The following CSGALNACT2 variants were observed in gnomAD, a reference collection of about 807,000 sequenced individuals.
The protein encoded by CSGALNACT2 is chondroitin sulfate N-acetylgalactosaminyltransferase 2.
A neutral mutation model predicts 55.3 loss-of-function variants in CSGALNACT2; 35 were observed. That is an observed-to-expected ratio of 0.63 (90% CI 0.48 to 0.84). The LOEUF (loss-of-function observed/expected upper bound fraction) is 0.84. CSGALNACT2 is among the 40% of genes least tolerant of loss of function. The pLI, the probability that CSGALNACT2 is intolerant of heterozygous loss-of-function variation, is 0.00. For synonymous variants in CSGALNACT2, 196 were observed against 224.9 expected (o/e 0.87, Z 1.15); for missense variants, 544 against 657.5 (o/e 0.83, Z 1.89).
intron 5 of CSGALNACT2, among the ~76,000 whole-genome samples, chr10:43,165,190 A>T (rs149621407): frequency 0.017 from 2,522 of 152,282 alleles, 80 homozygotes; most frequent in African/African-American, 0.058. Flanking sequence ...GCGCCACTGC[A>T]CTGCAGCCTG....
chr10:43,182,318 A>G (rs191336589), intron 7 of CSGALNACT2, among the ~76,000 whole-genome samples: 107 of 152,254 alleles, frequency 7.0e-4, no homozygotes, highest in Middle Eastern at 3.4e-3. Flanking sequence ...CACCTTTTCC[A>G]GAATTTTCTC....
At chr10:43,163,772 G>A in intron 4 of CSGALNACT2, 94 bp from the exon 5 acceptor site, 1 of 1,407,516 alleles carries the variant, frequency 7.1e-7, no homozygotes, top group Non-Finnish European at 9.3e-7. Flanking sequence ...TCAAATATTT[G>A]AAGTGTAAAA....
chr10:43,158,719 T>C lies in CSGALNACT2; in HGVS notation c.666T>C (p.Tyr222=). 1 of 1,581,132 alleles carries C rather than the reference T, an allele frequency of 6.3e-7. No homozygotes were observed. Among genetic ancestry groups the C allele is most frequent in the Non-Finnish European group, 8.7e-7 (1 of 1,150,730 alleles). Residue 222 remains tyrosine, a synonymous_variant, in exon 3 of 8, where the codon TAT becomes TAC. Transcript: ENST00000374466. ...GTTCCTAACTCTTTCCTTTAGGTTA[T>C]TATCGCACTGAGAGAGATAAGGGCA... ...IFNENDFVEG[Y]YRTERDKGTQ...
intron 2 of CSGALNACT2, among the ~76,000 whole-genome samples, chr10:43,156,995 C>T (rs1267638855): frequency 6.6e-6 from 1 of 152,194 alleles, no homozygotes; most frequent in Non-Finnish European, 1.5e-5. Flanking sequence ...TACACTGAGG[C>T]CCTTGGAGGC....
intron 2 of CSGALNACT2, 92 bp from the exon 3 acceptor site, chr10:43,158,623 A>T: frequency 1.4e-6 from 1 of 730,872 alleles, no homozygotes; most frequent in Non-Finnish European, 2.4e-6. Flanking sequence ...CTAGTTTAAT[A>T]CCCTTTATGT....
intron 1 of CSGALNACT2, among the ~76,000 whole-genome samples, chr10:43,150,037 A>G (rs1838843150): frequency 6.6e-6 from 1 of 152,216 alleles, no homozygotes. Context: ...ATTGCACTCC[A>G]GCCTGGGCAA....
At chr10:43,175,049 T>C (rs1296317833) in intron 6 of CSGALNACT2, among the ~76,000 whole-genome samples, 1 of 152,202 alleles carries the variant, frequency 6.6e-6, no homozygotes, top group Non-Finnish European at 1.5e-5. Context: ...TCTCGCATGG[T>C]AGAAAAGGAC....
chr10:43,155,348 C>T lies in CSGALNACT2; in HGVS notation c.199C>T (p.His67Tyr). ...YQALLQEQEE[H>Y]YQTRATSLKR... is the part of the protein sequence containing the mutation. ...AGCCCTCCTACAGGAACAAGAAGAA[C>T]ATTATCAGACCAGGGCAACCAGTCT... The change falls in exon 2 of 8, where the codon CAT becomes TAT. Residue 67 changes from histidine (H) to tyrosine (Y), a missense_variant. Transcript: ENST00000374466. The T allele has an allele frequency of 6.2e-7, 1 of 1,614,130 alleles. No homozygotes were observed. The highest frequency in any genetic ancestry group is 1.1e-5 in the South Asian group (1 of 91,078).
At chr10:43,167,429 T>C (rs761445340) in intron 6 of CSGALNACT2, among the ~76,000 whole-genome samples, 17 of 150,808 alleles carry the variant, frequency 1.1e-4, no homozygotes, top group Non-Finnish European at 1.6e-4. Flanking sequence ...AAAACCCTAC[T>C]AACTAGAAAT....
intron 1 of CSGALNACT2, among the ~76,000 whole-genome samples, chr10:43,147,714 T>A (rs1838788253): frequency 6.6e-6 from 1 of 152,228 alleles, no homozygotes; most frequent in South Asian, 2.1e-4. Flanking sequence ...TTTTCATGTA[T>A]TTATATAGGC....
intron 1 of CSGALNACT2, among the ~76,000 whole-genome samples, chr10:43,145,497 T>A (rs1240984754): frequency 1.4e-5 from 2 of 146,424 alleles, no homozygotes; most frequent in Non-Finnish European, 3.0e-5. Context: ...ACTCCTGGGC[T>A]CAAGTGATCC....
chr10:43,160,529 T>G lies in CSGALNACT2; in HGVS notation c.914T>G (p.Leu305Arg), dbSNP rs1393410445. The G allele has an allele frequency of 1.3e-6, 2 of 1,589,542 alleles. No individual in the cohort carries two copies. The highest frequency in any genetic ancestry group is 1.7e-6 in the Non-Finnish European group (2 of 1,159,056). ...VCIHQDKKIH[L>R]TVVYFGKEGL... ...ATTCATCAAGACAAGAAGATTCATC[T>G]CACAGTGGTGTATTTTGGTAAAGAA... The change falls in exon 4 of 8, where the codon CTC becomes CGC. Residue 305 changes from leucine (L) to arginine (R), a missense_variant. By Grantham distance (102) the Leu-to-Arg change is moderately radical (BLOSUM62 -2). Around this residue, in one of 2 missense-constraint regions of CSGALNACT2, gnomAD observed 374 missense variants for 401.3 expected, o/e 0.93. Coordinates refer to ENST00000374466, the MANE Select transcript of CSGALNACT2 (RefSeq NM_018590.5).
At chr10:43,179,389 G>GT (rs375329884) in intron 7 of CSGALNACT2, among the ~76,000 whole-genome samples, 137 of 144,032 alleles carry the variant, frequency 9.5e-4, no homozygotes, top group African/African-American at 2.3e-3. Flanking sequence ...CCACGGCTTG[G>GT]TTTTTTTTTT....
Position 43,178,423 on chromosome 10 carries a change from T to C in CSGALNACT2, c.1336+2391T>C, listed in dbSNP as rs1022749786. ...AGATCACGAGGTCAGGAGATCAAGA[T>C]CATCCTGGCTAACAAGGTAAAACCC... is the stretch of plus-strand genomic sequence containing the variant. On this transcript the variant is annotated intron_variant, in intron 7 of 7. Coordinates refer to ENST00000374466, the MANE Select transcript of CSGALNACT2 (RefSeq NM_018590.5). Among the ~76,000 whole-genome samples the C allele has an allele frequency of 8.5e-5, 13 of 152,148 alleles. No individual in the cohort carries two copies. The East Asian group carries it at 1.7e-3, about 20-fold the overall frequency.
rs189631298 is a variant in CSGALNACT2, at chr10:43,160,483, A to G, written c.879-11A>G. 7.3e-7 allele frequency: 1 copy of G among 1,374,742 alleles called. No homozygotes were observed. The highest frequency in any genetic ancestry group is 1.0e-6 in the Non-Finnish European group (1 of 979,524). 85.2% of individuals were successfully genotyped at this position (1,374,742 alleles called of 1,614,324 possible). ...TTTCTTGAATAAACTTTTATTTTTC[A>G]CTTCTGTTAGGGATGTTTGTATTCA... On this transcript the variant is annotated splice_polypyrimidine_tract_variant and intron_variant, in intron 3 of 7. Transcript: ENST00000374466.
intron 7 of CSGALNACT2, among the ~76,000 whole-genome samples, chr10:43,178,342 G>T (rs530755820): frequency 4.7e-4 from 71 of 152,204 alleles, no homozygotes; most frequent in African/African-American, 1.6e-3. Context: ...CCTAATACAG[G>T]CCAGGCACGG....
rs1051937809 is a variant in CSGALNACT2, at chr10:43,138,467, C to T, written c.-354C>T. 1 of 151,020 alleles carries T rather than the reference C, an allele frequency of 6.6e-6. No individual in the cohort carries two copies. The highest frequency in any genetic ancestry group is 1.5e-5 in the Non-Finnish European group (1 of 67,686). The allele number at this position is 151,020 out of a possible 1,614,324, so 9.4% of individuals were successfully genotyped here. A position where few individuals can be genotyped will look rare whatever the true frequency, so the allele number is the denominator to read the frequency against. ...GGCCTCTCAGGCGCGGCGGCGCGCCCGGGGGTGGGTGGCTGAGGCGGCGGC... is the reference window on the plus strand; with the variant it reads ...GGCCTCTCAGGCGCGGCGGCGCGCCTGGGGGTGGGTGGCTGAGGCGGCGGC... On this transcript the variant is annotated 5_prime_UTR_variant, in exon 1 of 8. Transcript: ENST00000374466.
At chr10:43,175,621 T>A (rs944691058) in intron 6 of CSGALNACT2, among the ~76,000 whole-genome samples, 1 of 152,150 alleles carries the variant, frequency 6.6e-6, no homozygotes, top group Middle Eastern at 3.2e-3. Flanking sequence ...GGGGAATGGA[T>A]ACTGGGTAGG....
chr10:43,182,715 C>CAA (rs773763712), intron 7 of CSGALNACT2, among the ~76,000 whole-genome samples: 14 of 128,072 alleles, frequency 1.1e-4, no homozygotes, highest in Admixed American at 1.6e-4. Flanking sequence ...CCATCTCCAC[C>CAA]AAAAAAAAAA....
Sources: allele counts gnomAD v4.1 joint callset (sites outside exome capture counted in the v4.1 genomes callset), GRCh38; gene constraint gnomAD v4.1.1; regional missense constraint gnomAD v4.1.1; transcripts MANE v1.5; gene names NCBI Gene and HGNC (gene_info 2026-07-23, HGNC 2026-07-21).